Variants in CCDC25 observed in about 807,000 individuals in gnomAD.
CCDC25 encodes the protein coiled-coil domain-containing protein 25.
In CCDC25, 16 loss-of-function variants were observed where a neutral mutation model predicts 35.3. The observed-to-expected ratio is 0.45, with a 90% CI of 0.31 to 0.69. CCDC25 has a LOEUF of 0.69. Ranked by LOEUF, CCDC25 falls within the 30% of genes least tolerant of loss-of-function variation. The probability of loss-of-function intolerance (pLI) is 0.06; values close to 1 mark genes in which losing one functional copy is unlikely to be tolerated. For synonymous variants in CCDC25, 79 were observed against 80.3 expected, an observed-to-expected ratio of 0.98 and a Z score of 0.09; for missense variants, 179 against 250.7, an observed-to-expected ratio of 0.71 and a Z score of 1.93.
At chr8:27,768,978 T>C (rs1804496261) in intron 1 of CCDC25, among the ~76,000 whole-genome samples, 1 of 152,242 alleles carries the variant, frequency 6.6e-6, no homozygotes, top group African/African-American at 2.4e-5. Flanking sequence ...GGAACACATT[T>C]TAGTCAGATA....
intron 3 of CCDC25, among the ~76,000 whole-genome samples, chr8:27,762,045 T>C (rs1401717861): frequency 1.3e-4 from 20 of 152,154 alleles, no homozygotes; most frequent in Admixed American, 1.2e-3. Context: ...AGAACCTCCG[T>C]CTATTCCATC....
intron 5 of CCDC25, 148 bp downstream of exon 5, chr8:27,752,364 C>T (rs1803841320): frequency 6.6e-6 from 4 of 604,220 alleles, no homozygotes; most frequent in Non-Finnish European, 5.8e-6. Flanking sequence ...AATTGCCATC[C>T]ATCTTAAAGA....
At chr8:27,768,791 G>A (rs986794936) in intron 1 of CCDC25, among the ~76,000 whole-genome samples, 1 of 152,164 alleles carries the variant, frequency 6.6e-6, no homozygotes, top group African/African-American at 2.4e-5. Flanking sequence ...GAGGTGATCT[G>A]ATTATTTCAC....
rs986813879 is a variant in CCDC25 at position 27,748,294 on chromosome 8, G to A, written c.349-15C>T. The stretch of plus-strand genomic sequence containing the variant: ...ACAATTTTTACCTTTAAGGGAGATA[G>A]GAGAAAAGATATTGCATCTTTTTGT... On this transcript the variant is annotated splice_polypyrimidine_tract_variant and intron_variant, in intron 6 of 8. Transcript: ENST00000356537. 16 of 1,603,800 alleles carry A rather than the reference G, an allele frequency of 1.0e-5. No individual in the cohort carries two copies. The highest frequency in any genetic ancestry group is 1.4e-5 in the Non-Finnish European group (16 of 1,174,570).
chr8:27,759,410 C>T (rs1804134225), intron 3 of CCDC25, among the ~76,000 whole-genome samples: 1 of 152,028 alleles, frequency 6.6e-6, no homozygotes, highest in Admixed American at 6.6e-5. Context: ...GGTTGGAGAC[C>T]AGCCTGGCCA....
intron 7 of CCDC25, among the ~76,000 whole-genome samples, chr8:27,741,477 G>A (rs114868635): frequency 0.027 from 4,079 of 152,242 alleles, 71 homozygotes; most frequent in Middle Eastern, 0.044. Context: ...TCAGGGGTTC[G>A]AGAGCAGCCT....
chr8:27,764,547 G>A, intron 2 of CCDC25: 1 of 314,638 alleles, frequency 3.2e-6, no homozygotes, highest in South Asian at 2.4e-5. Flanking sequence ...TCAAAGTGTT[G>A]GGATTACAGG....
chr8:27,767,864 TAGAGAAAA>T (rs1804452279), intron 1 of CCDC25, among the ~76,000 whole-genome samples: 2 of 150,652 alleles, frequency 1.3e-5, no homozygotes, highest in Admixed American at 6.6e-5. Flanking sequence ...GAGAAAAAAA[TAGAGAAAA>T]AGAGAAACGG....
intron 1 of CCDC25, among the ~76,000 whole-genome samples, chr8:27,770,654 G>C (rs948133856): frequency 6.6e-6 from 1 of 151,382 alleles, no homozygotes; most frequent in Non-Finnish European, 1.5e-5. Flanking sequence ...CAGCAGAATC[G>C]CTTGAACCCG....
intron 7 of CCDC25, among the ~76,000 whole-genome samples, chr8:27,744,260 G>A (rs1355077923): frequency 2.0e-5 from 3 of 151,982 alleles, no homozygotes; most frequent in Non-Finnish European, 4.4e-5. Context: ...CTTTAAAATT[G>A]AAACAAAAAA....
intron 7 of CCDC25, among the ~76,000 whole-genome samples, chr8:27,741,724 C>T (rs2128936750): frequency 6.6e-6 from 1 of 152,208 alleles, no homozygotes; most frequent in Middle Eastern, 3.4e-3. Flanking sequence ...GAAAGTGAGA[C>T]TACATAATAC....
chr8:27,748,216 C>T lies in CCDC25; in HGVS notation c.412G>A (p.Val138Ile). ...EILNRLEKTK[V>I]ERFPDLAAEK... Reference sequence around the variant, plus strand: ...GCTGCTAGGTCTGGGAACCGCTCGACTTTGGTCTTTTCTAATCGGTTCAGG... The same window carrying T: ...GCTGCTAGGTCTGGGAACCGCTCGATTTTGGTCTTTTCTAATCGGTTCAGG... The change falls in exon 7 of 9, where the codon GTC becomes ATC. Residue 138 changes from valine (V) to isoleucine (I), a missense_variant. Coordinates refer to ENST00000356537, the MANE Select transcript of CCDC25 (RefSeq NM_018246.3). 9.9e-6 allele frequency: 16 copies of T among 1,614,006 alleles called. No individual in the cohort carries two copies. The highest frequency in any genetic ancestry group is 5.9e-6 in the Non-Finnish European group (7 of 1,179,916).
chr8:27,765,561 A>G (rs1201289528), intron 1 of CCDC25, among the ~76,000 whole-genome samples: 1 of 152,056 alleles, frequency 6.6e-6, no homozygotes, highest in Non-Finnish European at 1.5e-5. Context: ...CTACTTTCCT[A>G]CTTTCTCAGG....
At chr8:27,772,484 G>A in intron 1 of CCDC25, 29 bp downstream of exon 1, 1 of 1,549,134 alleles carries the variant, frequency 6.5e-7, no homozygotes, top group African/African-American at 1.4e-5. Flanking sequence ...CTGTCCAGCA[G>A]GGTCCAGGAG....
Position 27,772,379 on chromosome 8 carries a change from C to G in CCDC25, c.28+134G>C. 4.8e-6 allele frequency: 4 copies of G among 827,500 alleles called. No individual in the cohort carries two copies. In the South Asian group the frequency reaches 5.9e-5, roughly 12 times the overall value. 51.3% of individuals were successfully genotyped at this position (827,500 alleles called of 1,614,324 possible). A position where few individuals can be genotyped will look rare whatever the true frequency, so the allele number is the denominator to read the frequency against. On this transcript the variant is annotated intron_variant, in intron 1 of 8. Coordinates refer to ENST00000356537, the MANE Select transcript of CCDC25 (RefSeq NM_018246.3). ...GGGAGGGACGGATGTGCTGGGGGAC[C>G]GAGAGGCCGCGGGAAGAGGCACTCG...
Position 27,748,058 on chromosome 8 carries a change from T to C in CCDC25, c.551+19A>G. On this transcript the variant is annotated intron_variant, in intron 7 of 8. Transcript: ENST00000356537. ...GAATAATCTTTGAGGTCAGTCTCAATGCCACAGCTCCGACATACCTAAGTT... is the reference window on the plus strand; with the variant it reads ...GAATAATCTTTGAGGTCAGTCTCAACGCCACAGCTCCGACATACCTAAGTT... 6.2e-7 allele frequency: 1 copy of C among 1,608,484 alleles called. No homozygotes were observed. The highest frequency in any genetic ancestry group is 8.5e-7 in the Non-Finnish European group (1 of 1,177,098).
intron 7 of CCDC25, among the ~76,000 whole-genome samples, chr8:27,745,130 C>T (rs1452364240): frequency 1.3e-5 from 2 of 152,026 alleles, no homozygotes; most frequent in South Asian, 2.1e-4. Flanking sequence ...AGAGTAGCTG[C>T]GACTATAGGC....
chr8:27,752,165 C>T (rs1301596306), intron 5 of CCDC25, among the ~76,000 whole-genome samples: 1 of 152,196 alleles, frequency 6.6e-6, no homozygotes, highest in African/African-American at 2.4e-5. Context: ...CCATAAAACA[C>T]ATTGTTCTTG....
intron 3 of CCDC25, among the ~76,000 whole-genome samples, chr8:27,758,744 T>C (rs1804107462): frequency 6.6e-6 from 1 of 152,224 alleles, no homozygotes; most frequent in African/African-American, 2.4e-5. Flanking sequence ...GTACCTATAA[T>C]AGATTGAATT....
Sources: allele counts gnomAD v4.1 joint callset (sites outside exome capture counted in the v4.1 genomes callset), GRCh38; gene constraint gnomAD v4.1.1; transcripts MANE v1.5; gene names NCBI Gene and HGNC (gene_info 2026-07-23, HGNC 2026-07-21).